AHI1: variants seen among roughly 807,000 people sequenced by gnomAD.
AHI1 encodes the protein jouberin.
Under a neutral mutation model 149.3 loss-of-function variants are expected in AHI1, and 123 were observed. The observed-to-expected ratio is 0.82, with a 90% CI of 0.71 to 0.96. The LOEUF (loss-of-function observed/expected upper bound fraction) is 0.96. Ranked by LOEUF, AHI1 falls within the 40% of genes least tolerant of loss-of-function variation. The pLI is 0.00. For synonymous variants in AHI1, 475 were observed against 459.8 expected, an observed-to-expected ratio of 1.03 and a Z score of -0.42; for missense variants, 1,439 against 1,422.7, an observed-to-expected ratio of 1.01 and a Z score of -0.18.
At chr6:135,286,226 C>G (rs1036423707) in intron 28 of AHI1, among the ~76,000 whole-genome samples, 5 of 152,284 alleles carry the variant, frequency 3.3e-5, no homozygotes, top group Non-Finnish European at 7.4e-5. Flanking sequence ...TGATGTAAAA[C>G]AAATTATACA....
At position 135,284,686 on chromosome 6, in the gene AHI1, C is replaced by G. The variant is rs1413619157; in HGVS notation, c.*959G>C. 6.6e-6 allele frequency: 1 copy of G among 151,774 alleles called. No homozygotes were observed. Among genetic ancestry groups the G allele is most frequent in the African/African-American group, 2.4e-5 (1 of 41,320 alleles). 9.4% of individuals were successfully genotyped at this position (151,774 alleles called of 1,614,324 possible). A position where few individuals can be genotyped will look rare whatever the true frequency, so the allele number is the denominator to read the frequency against. ...TAGGTATGTGCTTAAATATGAAAAGCCTTTTTTAAAAAGTAAAGACATTGG... is the reference window on the plus strand; with the variant it reads ...TAGGTATGTGCTTAAATATGAAAAGGCTTTTTTAAAAAGTAAAGACATTGG... On this transcript the variant is annotated 3_prime_UTR_variant, in exon 29 of 29. Transcript: ENST00000265602.
chr6:135,370,266 C>A (rs770589608), intron 23 of AHI1, among the ~76,000 whole-genome samples: 1 of 152,120 alleles, frequency 6.6e-6, no homozygotes, highest in Non-Finnish European at 1.5e-5. Flanking sequence ...TTTCAATACA[C>A]CTATTATAAC....
chr6:135,402,923 A>T (rs1780226949), intron 22 of AHI1, among the ~76,000 whole-genome samples: 1 of 152,152 alleles, frequency 6.6e-6, no homozygotes, highest in African/African-American at 2.4e-5. Flanking sequence ...GTTATACATT[A>T]ATTTTTGACT....
intron 23 of AHI1, among the ~76,000 whole-genome samples, chr6:135,388,677 G>A (rs1582975430): frequency 6.6e-6 from 1 of 152,150 alleles, no homozygotes; most frequent in Non-Finnish European, 1.5e-5. Flanking sequence ...TCAAGGGAAT[G>A]TAAGTATATA....
rs558453793 is a variant in AHI1, at chr6:135,397,968, C to T, written c.2989-3072G>A. 1.8e-3 allele frequency among the ~76,000 whole-genome samples: 265 copies of T among 151,288 alleles called. 1 individual carries two copies. The highest frequency in any genetic ancestry group is 6.2e-3 in the African/African-American group (257 of 41,288). The stretch of plus-strand genomic sequence containing the variant: ...TCTCCCAGACAGCTGTCATATTTTT[C>T]CACTAATATGAATAATAATGCAGAT... On this transcript the variant is annotated intron_variant, in intron 22 of 28. Coordinates refer to ENST00000265602, the MANE Select transcript of AHI1 (RefSeq NM_001134831.2).
intron 27 of AHI1, chr6:135,297,578 T>C: frequency 2.2e-6 from 1 of 453,892 alleles, no homozygotes; most frequent in Non-Finnish European, 4.4e-6. Context: ...TATTTCCTCA[T>C]CTGACCTGTA....
At chr6:135,438,673 C>T (rs1350730586) in intron 14 of AHI1, among the ~76,000 whole-genome samples, 175 bp from the exon 15 acceptor site, 1 of 151,920 alleles carries the variant, frequency 6.6e-6, no homozygotes, top group Admixed American at 6.6e-5. Flanking sequence ...TTTTCTTTTG[C>T]TTTACACAAA....
chr6:135,473,857 G>A (rs1014533579), intron 5 of AHI1, among the ~76,000 whole-genome samples: 1 of 151,972 alleles, frequency 6.6e-6, no homozygotes, highest in African/African-American at 2.4e-5. Flanking sequence ...TAATACAGAC[G>A]GTCCCTGAAT....
chr6:135,318,301 C>T, intron 26 of AHI1: 1 of 447,820 alleles, frequency 2.2e-6, no homozygotes, highest in Non-Finnish European at 4.0e-6. Context: ...TAGGCTGTGA[C>T]TTGGAGTCTA....
At chr6:135,349,053 C>T (rs1159153679) in intron 24 of AHI1, among the ~76,000 whole-genome samples, 3 of 151,996 alleles carry the variant, frequency 2.0e-5, no homozygotes, top group African/African-American at 7.2e-5. Context: ...TAATAGAAAC[C>T]AATAATACCT....
intron 11 of AHI1, among the ~76,000 whole-genome samples, chr6:135,450,060 A>T (rs1416828554): frequency 6.6e-6 from 1 of 152,186 alleles, no homozygotes; most frequent in Non-Finnish European, 1.5e-5. Flanking sequence ...TGAATTTACA[A>T]ATCTGAAGCA....
chr6:135,442,340 C>A (rs1041716641), intron 14 of AHI1, among the ~76,000 whole-genome samples: 20 of 152,268 alleles, frequency 1.3e-4, no homozygotes, highest in African/African-American at 4.6e-4. Context: ...AATCCTCCTG[C>A]ATGTTTTAAA....
At chr6:135,340,658 CATATATATATATATATATATATAT>C (rs71006759) in intron 24 of AHI1, among the ~76,000 whole-genome samples, 9 of 38,068 alleles carry the variant, frequency 2.4e-4, no homozygotes, top group African/African-American at 1.2e-3. Flanking sequence ...TACATACATA[CATATATATATATATATATATATAT>C]ATATATATAT....
chr6:135,352,903 C>T (rs1010297464), intron 24 of AHI1, among the ~76,000 whole-genome samples: 2 of 150,386 alleles, frequency 1.3e-5, no homozygotes, highest in African/African-American at 4.9e-5. Context: ...TATTGTATAC[C>T]TCATGTTTCT....
chr6:135,458,377 G>C (rs182145882), intron 8 of AHI1, among the ~76,000 whole-genome samples: 1 of 152,138 alleles, frequency 6.6e-6, no homozygotes, highest in Non-Finnish European at 1.5e-5. Context: ...TAAAACTGGA[G>C]ATTTGAGAAG....
intron 3 of AHI1, chr6:135,492,825 G>C (rs1344900796): frequency 1.0e-6 from 1 of 985,136 alleles, no homozygotes; most frequent in East Asian, 1.1e-4. Context: ...GTGTATTACT[G>C]TGTCAGAACT....
intron 3 of AHI1, chr6:135,492,784 T>G (rs1319990468): frequency 1.0e-6 from 1 of 985,166 alleles, no homozygotes; most frequent in Non-Finnish European, 1.2e-6. Flanking sequence ...GTACAAATAT[T>G]TGCACCATCT....
intron 21 of AHI1, among the ~76,000 whole-genome samples, chr6:135,409,969 CAAT>C (rs1010719430): frequency 1.8e-4 from 28 of 152,258 alleles, no homozygotes; most frequent in African/African-American, 6.7e-4. Flanking sequence ...TCATTATCAA[CAAT>C]AATAACTAAC....
At chr6:135,376,199 A>G (rs1775889925) in intron 23 of AHI1, among the ~76,000 whole-genome samples, 1 of 152,154 alleles carries the variant, frequency 6.6e-6, no homozygotes, top group Non-Finnish European at 1.5e-5. Flanking sequence ...AGCCCACTAC[A>G]ATAATTATTT....
Sources: gnomAD v4.1 joint callset for allele counts (sites outside exome capture counted in the v4.1 genomes callset) on GRCh38, gnomAD v4.1.1 for gene constraint, MANE v1.5 for transcripts, NCBI Gene and HGNC (gene_info 2026-07-23, HGNC 2026-07-21) for gene names.